SIL1: variants seen among roughly 807,000 people sequenced by gnomAD.
SIL1 encodes nucleotide exchange factor SIL1.
Under a neutral mutation model 49.1 loss-of-function variants are expected in SIL1, and 40 were observed. The ratio of observed to expected loss-of-function variants is 0.81; its 90% CI spans 0.63 to 1.06. The LOEUF (loss-of-function observed/expected upper bound fraction) is 1.06. Among genes scored for constraint, SIL1 ranks in the 50% least tolerant of loss-of-function variants. SIL1 has a pLI of 0.00. For missense variants in SIL1, 500 were observed against 572.6 expected (o/e 0.87, Z 1.29); for synonymous variants, 253 against 250.8 (o/e 1.01, Z -0.08).
intron 5 of SIL1, among the ~76,000 whole-genome samples, chr5:139,029,565 A>G (rs1210906954): frequency 1.3e-5 from 2 of 151,956 alleles, no homozygotes; most frequent in African/African-American, 4.8e-5. Flanking sequence ...GCAGTGGTAC[A>G]ATCACAGCTC....
At chr5:139,064,495 G>A (rs1407752600) in intron 3 of SIL1, among the ~76,000 whole-genome samples, 1 of 152,182 alleles carries the variant, frequency 6.6e-6, no homozygotes, top group Non-Finnish European at 1.5e-5. Context: ...CCCATTGGGG[G>A]AGCCCACCCT....
Position 139,121,284 on chromosome 5 carries a change from G to T in SIL1, c.106-111C>A. ...TTCCTCCATGCCCCTCTCCCCCACA[G>T]CCTGATATGTCTGGACACTCGCAAT... is the stretch of plus-strand genomic sequence containing the variant. On this transcript the variant is annotated intron_variant, in intron 2 of 9. Coordinates refer to ENST00000394817, the MANE Select transcript of SIL1 (RefSeq NM_022464.5). 3.5e-6 allele frequency: 5 copies of T among 1,443,302 alleles called. No individual in the cohort carries two copies. The East Asian group carries it at 1.1e-4, about 33-fold the overall frequency. 89.4% of individuals were successfully genotyped at this position (1,443,302 alleles called of 1,614,324 possible). A position where few individuals can be genotyped will look rare whatever the true frequency, so the allele number is the denominator to read the frequency against.
intron 3 of SIL1, among the ~76,000 whole-genome samples, chr5:139,116,678 AC>A (rs1392747050): frequency 6.6e-6 from 1 of 152,242 alleles, no homozygotes; most frequent in East Asian, 1.9e-4. Flanking sequence ...ATTCACAGAC[AC>A]CAAGTTACCA....
chr5:139,080,605 T>C (rs1770052440), intron 3 of SIL1, among the ~76,000 whole-genome samples: 1 of 152,326 alleles, frequency 6.6e-6, no homozygotes, highest in Middle Eastern at 3.4e-3. Context: ...GTCTATTACA[T>C]AAGGAACAGA....
rs1771041179 is a variant in SIL1 at position 139,118,282 on chromosome 5, T to C, written c.244+2753A>G. On this transcript the variant is annotated intron_variant, in intron 3 of 9. Coordinates refer to ENST00000394817, the MANE Select transcript of SIL1 (RefSeq NM_022464.5). ...AAAGCCATAGGGACAGAAGCCTACA[T>C]GCTCATGTACCCTCACCGGCATCCA... is the stretch of plus-strand genomic sequence containing the variant. Among the ~76,000 whole-genome samples the C allele has an allele frequency of 3.9e-5, 6 of 152,292 alleles. No homozygotes were observed. In the South Asian group the frequency reaches 1.2e-3, roughly 32 times the overall value.
chr5:138,953,770 C>T (rs912045298), intron 7 of SIL1, among the ~76,000 whole-genome samples: 10 of 152,208 alleles, frequency 6.6e-5, no homozygotes. Context: ...GCCTAAGGAA[C>T]GCTCACCCAT....
At chr5:139,006,845 C>T (rs1254917802) in intron 7 of SIL1, among the ~76,000 whole-genome samples, 1 of 148,006 alleles carries the variant, frequency 6.8e-6, no homozygotes, top group Non-Finnish European at 1.5e-5. Flanking sequence ...CAGTACCATG[C>T]TGTTTTGGTT....
chr5:139,124,319 T>C (rs1277556766), intron 2 of SIL1, among the ~76,000 whole-genome samples: 1 of 152,158 alleles, frequency 6.6e-6, no homozygotes, highest in African/African-American at 2.4e-5. Flanking sequence ...CCGAGCTACA[T>C]GCTTCAAGTC....
In SIL1 at chr5:138,947,010, A is replaced by C. The variant is rs1467088286; in HGVS notation, c.*107T>G. ...AGGATGGCCTTCAGGTTTCCATTTA[A>C]TGGCCAAGCCAGCACTGCCAAGATG... On this transcript the variant is annotated 3_prime_UTR_variant, in exon 10 of 10. Transcript: ENST00000394817. The surrounding 1 kb of genome is among the most constrained non-coding windows in gnomAD (Gnocchi z 4.1). 5 of 856,484 alleles carry C rather than the reference A, an allele frequency of 5.8e-6. No individual in the cohort carries two copies. The African/African-American group carries it at 8.4e-5, about 14-fold the overall frequency. 53.1% of individuals were successfully genotyped at this position (856,484 alleles called of 1,614,324 possible). A position where few individuals can be genotyped will look rare whatever the true frequency, so the allele number is the denominator to read the frequency against.
At chr5:139,086,693 G>A (rs940187122) in intron 3 of SIL1, among the ~76,000 whole-genome samples, 11 of 151,856 alleles carry the variant, frequency 7.2e-5, no homozygotes, top group Non-Finnish European at 1.5e-4. Flanking sequence ...GGCCGGGCAT[G>A]GTGGCTCATG....
At chr5:139,171,115 G>C (rs10477807) in intron 1 of SIL1, among the ~76,000 whole-genome samples, 1 of 148,002 alleles carries the variant, frequency 6.8e-6, no homozygotes, top group Non-Finnish European at 1.5e-5. Context: ...CGCCCCGTCC[G>C]GGAGGTGAGG....
intron 7 of SIL1, among the ~76,000 whole-genome samples, chr5:138,957,496 A>T: frequency 6.6e-6 from 1 of 151,880 alleles, no homozygotes; most frequent in African/African-American, 2.4e-5. Context: ...AGGTAGGAGG[A>T]TCACTTGAGC....
chr5:138,980,093 C>T (rs1303568278), intron 7 of SIL1, among the ~76,000 whole-genome samples: 4 of 152,174 alleles, frequency 2.6e-5, no homozygotes, highest in Admixed American at 6.5e-5. Flanking sequence ...TTACAAAAAC[C>T]GCTAGGGGCC....
intron 1 of SIL1, among the ~76,000 whole-genome samples, chr5:139,195,838 C>T (rs1752257650): frequency 2.0e-5 from 3 of 152,236 alleles, no homozygotes; most frequent in Non-Finnish European, 1.5e-5. Context: ...GAACTGTTAA[C>T]TCATCTGAAG....
chr5:139,060,668 A>C (rs1181192498), intron 3 of SIL1, among the ~76,000 whole-genome samples: 1 of 152,160 alleles, frequency 6.6e-6, no homozygotes, highest in East Asian at 1.9e-4. Flanking sequence ...TATATAAATT[A>C]TATCTCGATA....
chr5:139,016,243 A>G (rs1768395265), intron 7 of SIL1, among the ~76,000 whole-genome samples: 1 of 152,242 alleles, frequency 6.6e-6, no homozygotes, highest in South Asian at 2.1e-4. Flanking sequence ...AAAAGTTTCA[A>G]GCTTGGAGAA....
chr5:139,029,951 AAT>A (rs1248194992), intron 5 of SIL1, among the ~76,000 whole-genome samples: 1 of 151,788 alleles, frequency 6.6e-6, no homozygotes, highest in Non-Finnish European at 1.5e-5. Context: ...CAACCTGAGC[AAT>A]AGAGTGAGAC....
chr5:139,179,445 A>T (rs529551442), intron 1 of SIL1, among the ~76,000 whole-genome samples: 36 of 152,186 alleles, frequency 2.4e-4, no homozygotes, highest in Non-Finnish European at 4.7e-4. Context: ...GGAGGTCCAC[A>T]GATTGTGGCT....
intron 4 of SIL1, among the ~76,000 whole-genome samples, chr5:139,045,335 A>G (rs781094047): frequency 1.3e-4 from 20 of 152,148 alleles, no homozygotes; most frequent in Non-Finnish European, 2.9e-4. Flanking sequence ...GCGACAAAGC[A>G]AAACCCTGTC....
Sources: gnomAD v4.1 joint callset for allele counts (sites outside exome capture counted in the v4.1 genomes callset) on GRCh38, gnomAD v4.1.1 for gene constraint, Gnocchi (gnomAD v3.1) non-coding constraint, MANE v1.5 for transcripts, NCBI Gene and HGNC (gene_info 2026-07-23, HGNC 2026-07-21) for gene names.